The following COL6A5 variants were observed in gnomAD, a reference collection of about 807,000 sequenced individuals.
COL6A5 encodes collagen alpha-5(VI) chain.
A neutral mutation model predicts 65.6 loss-of-function variants in COL6A5; 48 were observed. The ratio of observed to expected loss-of-function variants is 0.73; its 90% confidence interval spans 0.58 to 0.93. The LOEUF (loss-of-function observed/expected upper bound fraction) is 0.93. COL6A5 is among the 40% of genes least tolerant of loss of function. The pLI is 0.00. For synonymous variants in COL6A5, 291 were observed against 322.8 expected (o/e 0.90, Z 1.05); for missense variants, 914 against 928.3 (o/e 0.98, Z 0.20).
exon 6 of COL6A5, chr3:130,469,348 A>T: frequency 6.2e-7 from 1 of 1,612,936 alleles, no homozygotes; most frequent in Non-Finnish European, 8.5e-7. Context: ...TTGGCCCTAA[A>T]CACAATGACA....
At chr3:130,464,114 CA>C (rs542079570) in intron 5 of COL6A5, among the ~76,000 whole-genome samples, 6 of 151,898 alleles carry the variant, frequency 4.0e-5, no homozygotes, top group Non-Finnish European at 8.8e-5. Context: ...TCTACTAGAA[CA>C]TTTATGAAAT....
At chr3:130,435,653 C>A (rs2107698383) in intron 1 of COL6A5, among the ~76,000 whole-genome samples, 1 of 152,238 alleles carries the variant, frequency 6.6e-6, no homozygotes, top group Non-Finnish European at 1.5e-5. Context: ...TCCTTCACAT[C>A]CCTTGTTAGC....
chr3:130,469,491 T>A lies in COL6A5; in HGVS notation c.2231+10T>A. The A allele has an allele frequency of 1.3e-6, 2 of 1,592,406 alleles. No individual in the cohort carries two copies. The highest frequency in any genetic ancestry group is 1.7e-6 in the Non-Finnish European group (2 of 1,165,994). ...GTCCATTTAATCAGACGTAAGTCAT[T>A]AATTCTCTTTGATTGCTTTTGCAAT... On this transcript the variant is annotated intron_variant, in intron 6 of 7. Transcript: ENST00000512836.
chr3:130,390,383 C>T (rs13068796), intron 6 of COL6A5, among the ~76,000 whole-genome samples: 7,761 of 152,136 alleles, frequency 0.051, 297 homozygotes, highest in Middle Eastern at 0.11. Flanking sequence ...AAATTTGAGA[C>T]TTTATTATTA....
intron 4 of COL6A5, among the ~76,000 whole-genome samples, chr3:130,447,428 G>A (rs1329516243): frequency 1.3e-5 from 2 of 152,112 alleles, no homozygotes; most frequent in African/African-American, 2.4e-5. Flanking sequence ...TTCCAGCTGA[G>A]AGCAAATTTA....
intron 29 of COL6A5, 93 bp from the exon 30 acceptor site, chr3:130,426,120 GA>G: frequency 8.2e-7 from 1 of 1,224,840 alleles, no homozygotes; most frequent in Non-Finnish European, 1.2e-6. Context: ...GTGCTTTTAA[GA>G]AAGAAAGTTT....
chr3:130,413,803 C>T (rs540685983), intron 21 of COL6A5, among the ~76,000 whole-genome samples: 1 of 136,044 alleles, frequency 7.4e-6, no homozygotes, highest in African/African-American at 2.5e-5. Flanking sequence ...CAGGCAGAAC[C>T]TGTGCAATTC....
In COL6A5 at chr3:130,397,755, G is replaced by A. The variant is rs373671537; in HGVS notation, c.3741G>A (p.Ala1247=). The change falls in exon 9 of 42, where the codon GCG becomes GCA. Residue 1247 remains alanine, a synonymous_variant and NMD_transcript_variant. Transcript: ENST00000312481. The stretch of plus-strand genomic sequence containing the variant: ...GCACAGAGGCACAGGTGAGCTTGGC[G>A]TTTAAGGTGAACAGTGACCAAGGAT... 3.4e-5 allele frequency: 53 copies of A among 1,551,670 alleles called. 1 individual carries two copies. In the Admixed American group the frequency reaches 3.9e-4, roughly 11 times the overall value.
At chr3:130,443,013 T>A (rs1252245696) in intron 3 of COL6A5, among the ~76,000 whole-genome samples, 6 of 152,140 alleles carry the variant, frequency 3.9e-5, no homozygotes. Flanking sequence ...TAAGGTAAAA[T>A]CTTGTCTATG....
intron 1 of COL6A5, among the ~76,000 whole-genome samples, chr3:130,348,483 A>G (rs1025230579): frequency 1.3e-5 from 2 of 152,208 alleles, no homozygotes; most frequent in South Asian, 2.1e-4. Context: ...ATAGTATTCC[A>G]TGGTGTATAT....
chr3:130,376,010 G>T (rs1935755310), intron 2 of COL6A5, among the ~76,000 whole-genome samples: 1 of 152,098 alleles, frequency 6.6e-6, no homozygotes, highest in South Asian at 2.1e-4. Context: ...AAAAAGAAAA[G>T]AAGTTTATTG....
chr3:130,402,389 TACA>T (rs770659874), intron 12 of COL6A5, among the ~76,000 whole-genome samples: 11 of 152,308 alleles, frequency 7.2e-5, no homozygotes, highest in South Asian at 4.1e-4. Flanking sequence ...TAAAATATTA[TACA>T]ACAATAGGAT....
intron 10 of COL6A5, among the ~76,000 whole-genome samples, chr3:130,400,778 A>G (rs144722268): frequency 9.8e-4 from 149 of 152,304 alleles, no homozygotes; most frequent in African/African-American, 3.5e-3. Flanking sequence ...AGATTTGTAA[A>G]TCGTTTCTCT....
chr3:130,389,408 TA>T (rs1474006959), intron 6 of COL6A5, among the ~76,000 whole-genome samples: 1 of 152,128 alleles, frequency 6.6e-6, no homozygotes, highest in African/African-American at 2.4e-5. Context: ...AAATCTTTAA[TA>T]CCCACATGCC....
chr3:130,437,159 G>T (rs889558284), intron 1 of COL6A5, among the ~76,000 whole-genome samples: 2 of 151,736 alleles, frequency 1.3e-5, no homozygotes, highest in African/African-American at 4.8e-5. Flanking sequence ...TAATGTGTGC[G>T]TATATATGTG....
chr3:130,443,188 C>G (rs530126210), intron 3 of COL6A5, among the ~76,000 whole-genome samples: 20 of 152,230 alleles, frequency 1.3e-4, no homozygotes, highest in Middle Eastern at 3.4e-3. Flanking sequence ...TTATGTTAGC[C>G]TGAGCATGTG....
exon 4 of COL6A5, chr3:130,379,691 C>T (rs1036187598): frequency 6.4e-7 from 1 of 1,551,302 alleles, no homozygotes; most frequent in Non-Finnish European, 8.7e-7. Context: ...AAATCCAATA[C>T]AGGGGCTGCC....
exon 6 of COL6A5, chr3:130,388,897 G>A: frequency 6.5e-7 from 1 of 1,547,492 alleles, no homozygotes; most frequent in African/African-American, 1.4e-5. Flanking sequence ...GGCCCGTTTG[G>A]GGGCCAAAAA....
chr3:130,440,025 A>T (rs951255971), intron 2 of COL6A5, 141 bp from the exon 35 acceptor site: 1 of 741,952 alleles, frequency 1.3e-6, no homozygotes, highest in African/African-American at 1.8e-5. Flanking sequence ...ATTTCTCATT[A>T]ATTTAAATTA....
Sources: gnomAD v4.1 joint callset for allele counts (sites outside exome capture counted in the v4.1 genomes callset) on GRCh38, gnomAD v4.1.1 for gene constraint, MANE v1.5 for transcripts, NCBI Gene and HGNC (gene_info 2026-07-23, HGNC 2026-07-21) for gene names.